Variants in GSR observed in about 807,000 individuals in gnomAD.
GSR encodes glutathione reductase, mitochondrial.
In GSR, 48 loss-of-function variants were observed where a neutral mutation model predicts 56.5. The ratio of observed to expected loss-of-function variants is 0.85; its 90% CI spans 0.67 to 1.08. The LOEUF (loss-of-function observed/expected upper bound fraction) is 1.08, where lower values mean the gene tolerates loss of function less well. GSR is among the 50% of genes least tolerant of loss of function. The probability of loss-of-function intolerance (pLI) is 0.00; values close to 1 mark genes in which losing one functional copy is unlikely to be tolerated. For synonymous variants in GSR, 264 were observed against 270.8 expected (o/e 0.97, Z 0.25); for missense variants, 694 against 703.3 (o/e 0.99, Z 0.15).
At chr8:30,712,706 G>A (rs562608368) in intron 1 of GSR, among the ~76,000 whole-genome samples, 139 of 152,150 alleles carry the variant, frequency 9.1e-4, no homozygotes, top group African/African-American at 3.0e-3. Flanking sequence ...CACAAAGAAA[G>A]GCTGAACATT....
At chr8:30,704,224 C>G (rs1440814117) in intron 4 of GSR, among the ~76,000 whole-genome samples, 2 of 152,066 alleles carry the variant, frequency 1.3e-5, no homozygotes, top group Non-Finnish European at 2.9e-5. Flanking sequence ...GCTCAGGAGG[C>G]TGAGGCACGA....
intron 4 of GSR, among the ~76,000 whole-genome samples, chr8:30,703,893 AG>A (rs1803833789): frequency 6.6e-6 from 1 of 152,082 alleles, no homozygotes; most frequent in Admixed American, 6.6e-5. Context: ...AAAAAGAAGA[AG>A]AAATAAAAGT....
chr8:30,709,633 T>C (rs1057295211), intron 3 of GSR, among the ~76,000 whole-genome samples, 181 bp downstream of exon 3: 1 of 152,150 alleles, frequency 6.6e-6, no homozygotes, highest in African/African-American at 2.4e-5. Flanking sequence ...GTGACGACTG[T>C]ATAACAATGT....
intron 1 of GSR, among the ~76,000 whole-genome samples, chr8:30,715,397 C>T (rs1369236761): frequency 4.6e-5 from 7 of 152,032 alleles, no homozygotes; most frequent in African/African-American, 7.2e-5. Context: ...TACCTGACAA[C>T]ATTACTGGGA....
In GSR at chr8:30,709,908, A is replaced by T. The variant is rs775171438; in HGVS notation, c.334-6T>A. 116 of 592,264 alleles carry T rather than the reference A, an allele frequency of 2.0e-4. No individual in the cohort carries two copies. The African/African-American group carries it at 2.0e-3, about 10-fold the overall frequency. 36.7% of individuals were successfully genotyped at this position (592,264 alleles called of 1,614,324 possible). On this transcript the variant is annotated splice_region_variant and splice_polypyrimidine_tract_variant and intron_variant, in intron 2 of 12. Transcript: ENST00000221130. ...ACAGCTGTGTTCCACATTACCTGTA[A>T]AAAAAAAAAAAAAAAAGGATCCAAA...
At position 30,700,111 on chromosome 8, in the gene GSR, T is replaced by A. The variant is rs922162627; in HGVS notation, c.665A>T (p.Asp222Val). 4.3e-6 allele frequency: 7 copies of A among 1,613,232 alleles called. No homozygotes were observed. The highest frequency in any genetic ancestry group is 5.1e-6 in the Non-Finnish European group (6 of 1,179,348). Residue 222 changes from aspartate to valine, a missense_variant, in exon 6 of 13, where the codon GAT becomes GTT. Transcript: ENST00000221130. ...IPGASLGITS[D>V]GFFQLEELPG... Reference sequence around the variant, plus strand: ...CAATTCTTCCAGCTGAAAAAATCCATCGCTGGTTATTCCTAAGCTGGCACC... The same window carrying A: ...CAATTCTTCCAGCTGAAAAAATCCAACGCTGGTTATTCCTAAGCTGGCACC...
chr8:30,718,143 T>C (rs1211330872), intron 1 of GSR, among the ~76,000 whole-genome samples: 1 of 151,688 alleles, frequency 6.6e-6, no homozygotes, highest in African/African-American at 2.4e-5. Flanking sequence ...AATAAATAAA[T>C]GTGATTCACT....
chr8:30,694,860 C>T (rs894881996), intron 7 of GSR, among the ~76,000 whole-genome samples: 3 of 145,802 alleles, frequency 2.1e-5, no homozygotes, highest in African/African-American at 5.1e-5. Flanking sequence ...GATGTGCCAC[C>T]GCACTCTAGC....
intron 9 of GSR, among the ~76,000 whole-genome samples, chr8:30,685,384 C>T (rs753209378): frequency 6.6e-6 from 1 of 152,136 alleles, no homozygotes; most frequent in African/African-American, 2.4e-5. Flanking sequence ...AGCCACCATG[C>T]CTGGCCAAAA....
chr8:30,714,992 T>C (rs772888848), intron 1 of GSR, among the ~76,000 whole-genome samples: 17 of 152,066 alleles, frequency 1.1e-4, no homozygotes, highest in Non-Finnish European at 2.2e-4. Context: ...GAATAATTTA[T>C]GGGCTGGGTG....
At chr8:30,703,499 C>A (rs976726286) in intron 4 of GSR, among the ~76,000 whole-genome samples, 1 of 152,090 alleles carries the variant, frequency 6.6e-6, no homozygotes, top group Non-Finnish European at 1.5e-5. Flanking sequence ...GTAATCCTAG[C>A]ACTTTGGGAG....
chr8:30,684,043 T>G (rs376648018), intron 10 of GSR, 45 bp downstream of exon 10: 1 of 960,192 alleles, frequency 1.0e-6, no homozygotes, highest in African/African-American at 1.6e-5. Flanking sequence ...AGATGGATCA[T>G]GTAACACGCA....
chr8:30,693,476 C>A (rs558904951), intron 7 of GSR, among the ~76,000 whole-genome samples: 1 of 152,206 alleles, frequency 6.6e-6, no homozygotes, highest in African/African-American at 2.4e-5. Flanking sequence ...TATCTGTGAC[C>A]ATCCACATGT....
At chr8:30,719,418 T>C (rs1804454877) in intron 1 of GSR, among the ~76,000 whole-genome samples, 1 of 151,776 alleles carries the variant, frequency 6.6e-6, no homozygotes. Context: ...GCCTGGCCAA[T>C]TTTTGAATTT....
chr8:30,681,501 G>A (rs776641153), intron 11 of GSR, among the ~76,000 whole-genome samples: 1 of 151,968 alleles, frequency 6.6e-6, no homozygotes, highest in Non-Finnish European at 1.5e-5. Context: ...CTCCAGCCTG[G>A]GTGACAGTGG....
At chr8:30,707,730 A>G (rs2551708) in intron 4 of GSR, among the ~76,000 whole-genome samples, 54,937 of 151,824 alleles carry the variant, frequency 0.36, 10,059 homozygotes, top group East Asian at 0.51. Context: ...CAAGGTGGGC[A>G]GATCACCTGA....
intron 4 of GSR, among the ~76,000 whole-genome samples, chr8:30,707,384 T>C (rs957852513): frequency 3.3e-5 from 5 of 151,752 alleles, no homozygotes; most frequent in Non-Finnish European, 5.9e-5. Flanking sequence ...ATTTCAATAA[T>C]AGAAAAAGTA....
intron 9 of GSR, among the ~76,000 whole-genome samples, chr8:30,685,410 G>A (rs1803128387): frequency 6.6e-6 from 1 of 152,064 alleles, no homozygotes; most frequent in South Asian, 2.1e-4. Flanking sequence ...TTTCTATGAA[G>A]CTTACCATTT....
At chr8:30,707,982 A>G in intron 4 of GSR, 90 bp downstream of exon 4, 1 of 761,460 alleles carries the variant, frequency 1.3e-6, no homozygotes, top group South Asian at 1.8e-5. Flanking sequence ...AAAAATAAAT[A>G]AATAAATAGG....
Sources: gnomAD v4.1 joint callset for allele counts (sites outside exome capture counted in the v4.1 genomes callset) on GRCh38, gnomAD v4.1.1 for gene constraint, MANE v1.5 for transcripts, NCBI Gene and HGNC (gene_info 2026-07-23, HGNC 2026-07-21) for gene names.